SPTB: variants seen among roughly 807,000 people sequenced by gnomAD.
SPTB encodes spectrin beta chain, erythrocytic.
Under a neutral mutation model 256.2 loss-of-function variants are expected in SPTB, and 45 were observed. The ratio of observed to expected loss-of-function variants is 0.18; its 90% CI spans 0.14 to 0.23. The LOEUF (loss-of-function observed/expected upper bound fraction) is 0.23, where lower values mean the gene tolerates loss of function less well. SPTB is among the 10% of genes least tolerant of loss of function. The pLI, the probability that SPTB is intolerant of heterozygous loss-of-function variation, is 1.00. For synonymous variants in SPTB, 1,231 were observed against 1,243.1 expected, an observed-to-expected ratio of 0.99 and a Z score of 0.21; for missense variants, 2,715 against 3,040.4, an observed-to-expected ratio of 0.89 and a Z score of 2.52.
Position 64,749,843 on chromosome 14 carries a change from C to T in SPTB, c.6776+138G>A, listed in dbSNP as rs1168877325. The T allele has an allele frequency of 4.7e-6, 7 of 1,481,616 alleles. No individual in the cohort carries two copies. In the African/African-American group the frequency reaches 8.4e-5, roughly 18 times the overall value. The allele number at this position is 1,481,616 out of a possible 1,614,324, so 91.8% of individuals were successfully genotyped here. On this transcript the variant is annotated intron_variant, in intron 34 of 35. Transcript: ENST00000644917. The surrounding 1 kb of genome is among the most constrained non-coding windows in gnomAD (Gnocchi z 4.7). The stretch of plus-strand genomic sequence containing the variant: ...ACTTTCTGAGAGGTCAAAGTCTGGA[C>T]CATCAGCCTCTTTGATTTGAAAAAC...
intron 1 of SPTB, among the ~76,000 whole-genome samples, chr14:64,867,070 A>C (rs1169383216): frequency 6.6e-6 from 1 of 152,186 alleles, no homozygotes; most frequent in Non-Finnish European, 1.5e-5. Context: ...TGACGATGTA[A>C]GTTAAAATCA....
Position 64,775,534 on chromosome 14 carries a change from C to T in SPTB, c.4564-131G>A, listed in dbSNP as rs1409844975. 11 of 1,222,014 alleles carry T rather than the reference C, an allele frequency of 9.0e-6. No homozygotes were observed. The highest frequency in any genetic ancestry group is 2.8e-4 in the Middle Eastern group (1 of 3,596). 75.7% of individuals were successfully genotyped at this position (1,222,014 alleles called of 1,614,324 possible). On this transcript the variant is annotated intron_variant, in intron 22 of 35. Coordinates refer to ENST00000644917, the MANE Select transcript of SPTB (RefSeq NM_001355436.2). This position sits in a 1 kb window ranked among gnomAD's most constrained non-coding sequence, Gnocchi z 5.0. ...GTTGCTAGAGCAGAGCAGGTGATGG[C>T]GATAAGAACTACCAATGACCTCTTG...
rs759219902 is a variant in SPTB at position 64,774,415 on chromosome 14, G to C, written c.4955C>G (p.Ser1652Cys). The C allele has an allele frequency of 1.3e-6, 2 of 1,584,920 alleles. No individual in the cohort carries two copies. Among genetic ancestry groups the C allele is most frequent in the East Asian group, 2.3e-5 (1 of 43,468 alleles). ...QLASRAQGLL[S>C]AGHPEGEQII... ...CACGCACCCCTCAGGGTGGCCTGCA[G>C]ACAGCAGGCCCTGGGCCCGGCTGGC... The change falls in exon 24 of 36, where the codon TCT becomes TGT. Residue 1652 changes from serine (S) to cysteine (C), a missense_variant. Physicochemically the swap from Ser to Cys is moderately radical, Grantham distance 112. Transcript: ENST00000644917.
Position 64,785,804 on chromosome 14 carries a change from C to T in SPTB, c.3709G>A (p.Glu1237Lys), listed in dbSNP as rs1192844436. 3.7e-6 allele frequency: 6 copies of T among 1,614,146 alleles called. 1 individual carries two copies. The highest frequency in any genetic ancestry group is 1.6e-4 in the Middle Eastern group (1 of 6,062). The change falls in exon 17 of 36, where the codon GAG becomes AAG. Residue 1237 changes from glutamate (E) to lysine (K), a missense_variant. Glu to Lys is a moderately conservative substitution (Grantham distance 56). Around this residue, in one of 4 missense-constraint regions of SPTB, gnomAD observed 2,239 missense variants for 2,384.4 expected, o/e 0.94. Transcript: ENST00000644917. This position sits in a 1 kb window ranked among gnomAD's most constrained non-coding sequence, Gnocchi z 4.4. Reference protein sequence around the residue: ...PVDSGNKLVAEGNLYSDKIKE... With the variant: ...PVDSGNKLVAKGNLYSDKIKE... The stretch of plus-strand genomic sequence containing the variant: ...ATCTTGTCTGAGTATAGGTTTCCCT[C>T]AGCTACCAGCTTGTTTCCAGAGTCC...
Position 64,825,100 on chromosome 14 carries a change from G to A in SPTB, c.-51-1955C>T, listed in dbSNP as rs535771065. 3.2e-4 allele frequency among the ~76,000 whole-genome samples: 48 copies of A among 151,316 alleles called. No individual in the cohort carries two copies. The highest frequency in any genetic ancestry group is 1.1e-3 in the African/African-American group (45 of 41,188). ...GGAGCACAGTTTATCCCCCTTGATC[G>A]GACAGGTTTCAGGAGGGCAGCTGGG... On this transcript the variant is annotated intron_variant, in intron 1 of 35. Transcript: ENST00000644917. The surrounding 1 kb of genome is among the most constrained non-coding windows in gnomAD (Gnocchi z 4.8).
At chr14:64,761,842 TCCCC>T (rs1421227430) in intron 32 of SPTB, among the ~76,000 whole-genome samples, 6 of 151,780 alleles carry the variant, frequency 4.0e-5, no homozygotes, top group African/African-American at 1.5e-4. Flanking sequence ...AGACACTGAC[TCCCC>T]CATCCAGATC....
At position 64,806,132 on chromosome 14, in the gene SPTB, A is replaced by C. The variant is rs541814755; in HGVS notation, c.149-1042T>G. On this transcript the variant is annotated intron_variant, in intron 2 of 35. Transcript: ENST00000644917. This position sits in a 1 kb window ranked among gnomAD's most constrained non-coding sequence, Gnocchi z 4.1. ...GAGGACAGAAGACTGGGATGGCACA[A>C]AAAAAAGAGAGAGAAAAGGATAGAG... Among the ~76,000 whole-genome samples, 2 of 152,244 alleles carry C rather than the reference A, an allele frequency of 1.3e-5. No individual in the cohort carries two copies. The highest frequency in any genetic ancestry group is 3.9e-4 in the East Asian group (2 of 5,182).
chr14:64,796,752 G>A lies in SPTB; in HGVS notation c.1183-37C>T. 1.2e-6 allele frequency: 2 copies of A among 1,613,568 alleles called. No individual in the cohort carries two copies. Among genetic ancestry groups the A allele is most frequent in the Non-Finnish European group, 1.7e-6 (2 of 1,179,970 alleles). On this transcript the variant is annotated intron_variant, in intron 10 of 35. Coordinates refer to ENST00000644917, the MANE Select transcript of SPTB (RefSeq NM_001355436.2). The surrounding 1 kb of genome is among the most constrained non-coding windows in gnomAD (Gnocchi z 4.1). ...ATGGAATGAGAATTCTTGGGGCACA[G>A]GAGAAATGCCTCACTTTGGGGGCTC...
chr14:64,832,744 T>C (rs1459214067), intron 1 of SPTB, among the ~76,000 whole-genome samples: 1 of 152,192 alleles, frequency 6.6e-6, no homozygotes, highest in Admixed American at 6.5e-5. Context: ...CCTCAGATCA[T>C]GCTCCATGCC....
chr14:64,794,937 G>A (rs369530666), intron 12 of SPTB, among the ~76,000 whole-genome samples: 2 of 152,246 alleles, frequency 1.3e-5, no homozygotes, highest in African/African-American at 4.8e-5. Context: ...CCTCAGCTGA[G>A]ACCCACTGCG....
At chr14:64,838,634 G>A (rs540189180) in intron 1 of SPTB, among the ~76,000 whole-genome samples, 1 of 152,148 alleles carries the variant, frequency 6.6e-6, no homozygotes, top group African/African-American at 2.4e-5. Context: ...ACATGAAAGT[G>A]TGCTCAAATT....
chr14:64,823,439 C>T lies in SPTB; in HGVS notation c.-51-294G>A, dbSNP rs561430761. The stretch of plus-strand genomic sequence containing the variant: ...GTCGCAGCCAGCTGCTTCCTCCAGA[C>T]CAGCCGCCCCGCCGCGGGGAGCACC... On this transcript the variant is annotated intron_variant, in intron 1 of 35. Transcript: ENST00000644917. This position sits in a 1 kb window ranked among gnomAD's most constrained non-coding sequence, Gnocchi z 6.5. 1.3e-5 allele frequency among the ~76,000 whole-genome samples: 2 copies of T among 152,306 alleles called. No individual in the cohort carries two copies. Among genetic ancestry groups the T allele is most frequent in the South Asian group, 4.1e-4 (2 of 4,820 alleles).
Position 64,775,148 on chromosome 14 carries a change from C to A in SPTB, c.4819G>T (p.Val1607Phe). ...ACCTTGGGGATCTCATCGGAGATGA[C>A]GTAGAGCTCCTGCTCGCCAATCCAG... ...EAWIGEQELY[V>F]ISDEIPKDEE... Residue 1607 changes from valine to phenylalanine, a missense_variant, in exon 23 of 36, where the codon GTC becomes TTC. This residue lies in a region of SPTB where 2,239 missense variants were observed against 2,384.4 expected (regional missense o/e 0.94). Transcript: ENST00000644917. The surrounding 1 kb of genome is among the most constrained non-coding windows in gnomAD (Gnocchi z 5.0). 1 of 1,613,980 alleles carries A rather than the reference C, an allele frequency of 6.2e-7. No individual in the cohort carries two copies. The highest frequency in any genetic ancestry group is 8.5e-7 in the Non-Finnish European group (1 of 1,180,042).
chr14:64,770,645 GTC>G (rs1056897840), intron 27 of SPTB, among the ~76,000 whole-genome samples: 1 of 152,136 alleles, frequency 6.6e-6, no homozygotes, highest in Non-Finnish European at 1.5e-5. Flanking sequence ...AATGACAGAT[GTC>G]TCTCTCTCTA....
intron 1 of SPTB, among the ~76,000 whole-genome samples, chr14:64,869,156 C>A (rs1882367628): frequency 6.6e-6 from 1 of 152,100 alleles, no homozygotes; most frequent in Non-Finnish European, 1.5e-5. Context: ...CAGCTATTAC[C>A]TTACTTGGTG....
chr14:64,785,585 T>C lies in SPTB; in HGVS notation c.3807A>G (p.Leu1269=), dbSNP rs753114183. The C allele has an allele frequency of 6.2e-7, 1 of 1,614,082 alleles. No homozygotes were observed. The highest frequency in any genetic ancestry group is 1.1e-5 in the South Asian group (1 of 91,082). ...NNEKAQEASV[L]LRDNLELQNF... is the part of the protein sequence containing the mutation. Reference sequence around the variant, plus strand: ...TCTGTAGCTCCAGGTTGTCTCTCAGTAGGACAGAGGCCTCCTGGGCCTTCT... The same window carrying C: ...TCTGTAGCTCCAGGTTGTCTCTCAGCAGGACAGAGGCCTCCTGGGCCTTCT... Residue 1269 remains leucine (L), a synonymous_variant, in exon 18 of 36, where the codon CTA becomes CTG. Coordinates refer to ENST00000644917, the MANE Select transcript of SPTB (RefSeq NM_001355436.2). This position sits in a 1 kb window ranked among gnomAD's most constrained non-coding sequence, Gnocchi z 4.4.
rs2082131199 is a variant in SPTB, at chr14:64,764,028, G to A, written c.6345+2698C>T. Among the ~76,000 whole-genome samples the A allele has an allele frequency of 6.6e-6, 1 of 152,204 alleles. No individual in the cohort carries two copies. The highest frequency in any genetic ancestry group is 6.5e-5 in the Admixed American group (1 of 15,276). ...GCAGGAAGCCGACATGCACAGTGAG[G>A]GATTGTACATGAAGCAACACCGCAT... On this transcript the variant is annotated intron_variant, in intron 32 of 35. Coordinates refer to ENST00000644917, the MANE Select transcript of SPTB (RefSeq NM_001355436.2). This position sits in a 1 kb window ranked among gnomAD's most constrained non-coding sequence, Gnocchi z 4.2.
intron 1 of SPTB, among the ~76,000 whole-genome samples, chr14:64,838,587 C>T (rs396974): frequency 0.43 from 65,683 of 151,858 alleles, 17,156 homozygotes; most frequent in African/African-American, 0.72. Flanking sequence ...TTTGTACAGA[C>T]GCTTTACCAA....
intron 33 of SPTB, among the ~76,000 whole-genome samples, chr14:64,750,776 C>CA (rs1294318696): frequency 6.4e-5 from 9 of 141,060 alleles, no homozygotes; most frequent in East Asian, 4.0e-4. Context: ...GACTTAGTCT[C>CA]AAAAAAAAAG....
Sources: gnomAD v4.1 joint callset for allele counts (sites outside exome capture counted in the v4.1 genomes callset) on GRCh38, gnomAD v4.1.1 for gene constraint, gnomAD v4.1.1 regional missense constraint, Gnocchi (gnomAD v3.1) non-coding constraint, MANE v1.5 for transcripts, NCBI Gene and HGNC (gene_info 2026-07-23, HGNC 2026-07-21) for gene names.